Variants in AIG1 observed in about 807,000 individuals in gnomAD.
AIG1 encodes the protein androgen-induced gene 1 protein.
AIG1 carries 23 observed loss-of-function variants against 31.4 expected under a neutral mutation model. The ratio of observed to expected loss-of-function variants is 0.73; its 90% CI spans 0.53 to 1.04. The LOEUF (loss-of-function observed/expected upper bound fraction) is 1.04. Ranked by LOEUF, AIG1 falls within the 50% of genes least tolerant of loss-of-function variation. The pLI is 0.00. For missense variants in AIG1, 274 were observed against 295.0 expected, an observed-to-expected ratio of 0.93 and a Z score of 0.52; for synonymous variants, 100 against 110.5, an observed-to-expected ratio of 0.90 and a Z score of 0.60.
intron 3 of AIG1, among the ~76,000 whole-genome samples, chr6:143,272,303 G>T (rs898912881): frequency 6.6e-6 from 1 of 152,116 alleles, no homozygotes; most frequent in African/African-American, 2.4e-5. Flanking sequence ...ATTCTCTGTA[G>T]ATTAACCCCA....
At chr6:143,273,124 G>A (rs372459553) in intron 3 of AIG1, among the ~76,000 whole-genome samples, 99 of 151,956 alleles carry the variant, frequency 6.5e-4, no homozygotes, top group African/African-American at 2.0e-3. Context: ...GTGAGACTTC[G>A]TCTCAAAAAA....
chr6:143,236,057 A>G (rs886431081), intron 3 of AIG1, among the ~76,000 whole-genome samples: 1 of 152,212 alleles, frequency 6.6e-6, no homozygotes, highest in Non-Finnish European at 1.5e-5. Flanking sequence ...TCGGGTATAT[A>G]TACTGAACCC....
At chr6:143,150,063 A>C (rs1375583695) in intron 2 of AIG1, among the ~76,000 whole-genome samples, 1 of 152,254 alleles carries the variant, frequency 6.6e-6, no homozygotes, top group Admixed American at 6.5e-5. Context: ...AATATTTTAA[A>C]AGAATTCCCA....
At chr6:143,061,107 C>A in intron 1 of AIG1, 41 bp downstream of exon 1, 1 of 1,593,890 alleles carries the variant, frequency 6.3e-7, no homozygotes, top group Non-Finnish European at 8.6e-7. Flanking sequence ...GCACCCCGTG[C>A]CTGTGTGTGC....
chr6:143,235,160 TG>T (rs1423971877), intron 3 of AIG1, among the ~76,000 whole-genome samples: 1 of 152,126 alleles, frequency 6.6e-6, no homozygotes, highest in Non-Finnish European at 1.5e-5. Flanking sequence ...GAGTGGAAAA[TG>T]GTGACATACA....
In AIG1 at chr6:143,251,117, A is replaced by G. The variant is rs1794978842; in HGVS notation, c.400-32993A>G. On this transcript the variant is annotated intron_variant, in intron 3 of 5. Coordinates refer to ENST00000357847, the MANE Select transcript of AIG1 (RefSeq NM_016108.4). ...ACCCAGGCTGGAGTGCAGTGGCGCA[A>G]TCTCGGCTCACTGAGACCTGTGCCT... Among the ~76,000 whole-genome samples the G allele has an allele frequency of 2.0e-5, 3 of 152,214 alleles. 1 individual carries two copies. In the South Asian group the frequency reaches 6.2e-4, roughly 32 times the overall value.
At chr6:143,182,502 C>A (rs1436892170) in intron 3 of AIG1, among the ~76,000 whole-genome samples, 1 of 152,122 alleles carries the variant, frequency 6.6e-6, no homozygotes, top group Non-Finnish European at 1.5e-5. Context: ...GCTTAGTTCA[C>A]TTCTCTACCT....
chr6:143,227,738 G>A (rs1472864465), intron 3 of AIG1, among the ~76,000 whole-genome samples: 1 of 152,118 alleles, frequency 6.6e-6, no homozygotes, highest in Non-Finnish European at 1.5e-5. Flanking sequence ...GTTGGGTCTT[G>A]GAGGACCTAG....
intron 1 of AIG1, 155 bp downstream of exon 1, chr6:143,061,221 G>A: frequency 1.1e-6 from 1 of 935,822 alleles, no homozygotes; most frequent in Non-Finnish European, 1.7e-6. Context: ...CAGTGATTGC[G>A]TGTGAAGGCC....
At chr6:143,186,541 TTGC>T (rs1184810819) in intron 3 of AIG1, 2 of 152,260 alleles carry the variant, frequency 1.3e-5, no homozygotes, top group Non-Finnish European at 2.9e-5. Flanking sequence ...GCTGCTGATA[TTGC>T]TGCTATCTCC....
chr6:143,267,496 T>C (rs1340614680), intron 3 of AIG1, among the ~76,000 whole-genome samples: 1 of 152,206 alleles, frequency 6.6e-6, no homozygotes. Context: ...AACTGGCCAT[T>C]ATATCTAGTT....
chr6:143,154,825 G>A (rs1785577787), intron 2 of AIG1, among the ~76,000 whole-genome samples: 1 of 151,894 alleles, frequency 6.6e-6, no homozygotes, highest in African/African-American at 2.4e-5. Context: ...CAAAATTGAG[G>A]GCTTTTTTGT....
chr6:143,336,925 A>T (rs760727635), intron 5 of AIG1, among the ~76,000 whole-genome samples: 1 of 151,672 alleles, frequency 6.6e-6, no homozygotes, highest in Non-Finnish European at 1.5e-5. Context: ...TTGCAGGGGG[A>T]AAAAAAAAGA....
At chr6:143,127,692 CTTG>C (rs1276112012) in intron 1 of AIG1, among the ~76,000 whole-genome samples, 2 of 151,296 alleles carry the variant, frequency 1.3e-5, no homozygotes, top group African/African-American at 4.9e-5. Flanking sequence ...GCTGACCTTT[CTTG>C]TTTTTTTTTT....
chr6:143,153,442 G>A (rs1785434874), intron 2 of AIG1, among the ~76,000 whole-genome samples: 1 of 152,152 alleles, frequency 6.6e-6, no homozygotes, highest in Non-Finnish European at 1.5e-5. Context: ...CCACCTCCCG[G>A]GTTCAAGTGA....
intron 4 of AIG1, among the ~76,000 whole-genome samples, chr6:143,295,009 C>T (rs904242448): frequency 3.9e-5 from 6 of 152,260 alleles, no homozygotes; most frequent in Admixed American, 2.6e-4. Context: ...TGAACCTACT[C>T]CATATCTACT....
chr6:143,283,474 T>C (rs1797484060), intron 3 of AIG1, among the ~76,000 whole-genome samples: 1 of 152,216 alleles, frequency 6.6e-6, no homozygotes, highest in South Asian at 2.1e-4. Context: ...AATAAAAACA[T>C]AATTTAACAT....
chr6:143,079,397 A>G (rs1233613651), intron 1 of AIG1, among the ~76,000 whole-genome samples: 1 of 152,138 alleles, frequency 6.6e-6, no homozygotes, highest in Admixed American at 6.5e-5. Context: ...AGGAGAGTAA[A>G]AATCCACAAA....
chr6:143,283,223 C>G (rs967581882), intron 3 of AIG1, among the ~76,000 whole-genome samples: 5 of 152,202 alleles, frequency 3.3e-5, no homozygotes, highest in African/African-American at 1.2e-4. Context: ...TAAATTTCAT[C>G]TCCATCCTGT....
Sources: gnomAD v4.1 joint callset for allele counts (sites outside exome capture counted in the v4.1 genomes callset) on GRCh38, gnomAD v4.1.1 for gene constraint, MANE v1.5 for transcripts, NCBI Gene and HGNC (gene_info 2026-07-23, HGNC 2026-07-21) for gene names.